WDPCP: variants seen among roughly 807,000 people sequenced by gnomAD.
The protein encoded by WDPCP is WD repeat-containing and planar cell polarity effector protein fritz homolog.
WDPCP carries 71 observed loss-of-function variants against 93.1 expected under a neutral mutation model. The observed-to-expected ratio is 0.76, with a 90% CI of 0.63 to 0.93. The LOEUF (loss-of-function observed/expected upper bound fraction) is 0.93, where lower values mean the gene tolerates loss of function less well. Ranked by LOEUF, WDPCP falls within the 40% of genes least tolerant of loss-of-function variation. The probability of loss-of-function intolerance (pLI) is 0.00; values close to 1 mark genes in which losing one functional copy is unlikely to be tolerated. For synonymous variants in WDPCP, 315 were observed against 315.0 expected (o/e 1.00, Z 0.00); for missense variants, 844 against 887.4 (o/e 0.95, Z 0.62).
chr2:63,284,524 T>G (rs1235630209), intron 13 of WDPCP, among the ~76,000 whole-genome samples: 1 of 152,230 alleles, frequency 6.6e-6, no homozygotes, highest in African/African-American at 2.4e-5. Context: ...TATATCCGAA[T>G]TGTCAGAATT....
intron 9 of WDPCP, among the ~76,000 whole-genome samples, chr2:63,407,847 G>A (rs1342565288): frequency 2.0e-5 from 3 of 152,118 alleles, no homozygotes; most frequent in Admixed American, 2.0e-4. Flanking sequence ...TTAAAGATTT[G>A]CAAAGGAAGC....
At chr2:63,499,122 G>A (rs925639932) in intron 1 of WDPCP, among the ~76,000 whole-genome samples, 1 of 152,174 alleles carries the variant, frequency 6.6e-6, no homozygotes, top group African/African-American at 2.4e-5. Context: ...CAGGGTAGCA[G>A]ATAAAATAAT....
At chr2:63,559,897 T>C (rs1248490536) in intron 1 of WDPCP, among the ~76,000 whole-genome samples, 1 of 152,158 alleles carries the variant, frequency 6.6e-6, no homozygotes, top group Admixed American at 6.5e-5. Context: ...CCCATTAAAC[T>C]GCCATTGACA....
intron 2 of WDPCP, among the ~76,000 whole-genome samples, chr2:63,779,923 C>A (rs1339866753): frequency 2.0e-5 from 3 of 152,094 alleles, no homozygotes; most frequent in Non-Finnish European, 2.9e-5. Flanking sequence ...CAAAAAGATT[C>A]CAAAAACTAG....
chr2:63,353,440 G>T (rs941659400), intron 12 of WDPCP, among the ~76,000 whole-genome samples: 2 of 152,128 alleles, frequency 1.3e-5, no homozygotes, highest in African/African-American at 2.4e-5. Flanking sequence ...TGGAATTCCA[G>T]CCAGCCCCTG....
intron 17 of WDPCP, among the ~76,000 whole-genome samples, chr2:63,124,506 G>C (rs928130250): frequency 6.6e-6 from 1 of 152,206 alleles, no homozygotes; most frequent in African/African-American, 2.4e-5. Context: ...AATGTACACA[G>C]ACTTTTGTAA....
chr2:63,831,429 G>T (rs924908514), upstream of WDPCP, among the ~76,000 whole-genome samples: 7 of 151,960 alleles, frequency 4.6e-5, no homozygotes, highest in African/African-American at 1.5e-4. Flanking sequence ...TGGCATACTT[G>T]CTCCACAGGT....
chr2:63,711,825 T>C (rs1053616895), intron 2 of WDPCP, among the ~76,000 whole-genome samples: 4 of 152,176 alleles, frequency 2.6e-5, no homozygotes, highest in Non-Finnish European at 5.9e-5. Flanking sequence ...ACCCTATGTG[T>C]GGTAAATTGA....
At chr2:63,193,856 A>G (rs905721844) in intron 14 of WDPCP, among the ~76,000 whole-genome samples, 12 of 152,216 alleles carry the variant, frequency 7.9e-5, no homozygotes, top group Admixed American at 7.2e-4. Flanking sequence ...AAAAGTTTAT[A>G]TGTACGTGAA....
the WDPCP span, among the ~76,000 whole-genome samples, chr2:63,834,130 C>T: frequency 6.6e-6 from 1 of 152,172 alleles, no homozygotes; most frequent in African/African-American, 2.4e-5. Flanking sequence ...TCCTATTACT[C>T]CATTTGTGAC....
intron 14 of WDPCP, among the ~76,000 whole-genome samples, chr2:63,231,346 A>T (rs984012797): frequency 2.0e-5 from 3 of 152,250 alleles, no homozygotes; most frequent in African/African-American, 7.2e-5. Context: ...CAGGCAAGAG[A>T]AGGAAATAAA....
chr2:63,673,059 A>T (rs1710363349), intron 2 of WDPCP, among the ~76,000 whole-genome samples: 1 of 152,150 alleles, frequency 6.6e-6, no homozygotes, highest in South Asian at 2.1e-4. Context: ...GGCCCATTTT[A>T]ACCATTTTAA....
At chr2:63,313,876 A>ATTTTTT (rs1559312010) in intron 12 of WDPCP, among the ~76,000 whole-genome samples, 4 of 4,054 alleles carry the variant, frequency 9.9e-4, no homozygotes, top group African/African-American at 7.1e-3. Flanking sequence ...ATATATATAT[A>ATTTTTT]TATATATATA....
chr2:63,840,182 T>C, the WDPCP span, among the ~76,000 whole-genome samples: 1 of 152,148 alleles, frequency 6.6e-6, no homozygotes, highest in Non-Finnish European at 1.5e-5. Flanking sequence ...AAATGCAAAG[T>C]CTGAAATGCA....
chr2:63,489,189 A>G (rs551529500), intron 2 of WDPCP, among the ~76,000 whole-genome samples: 79 of 152,228 alleles, frequency 5.2e-4, no homozygotes, highest in African/African-American at 1.8e-3. Flanking sequence ...GATTGACTGC[A>G]AACAGGGTGA....
intron 3 of WDPCP, among the ~76,000 whole-genome samples, chr2:63,641,124 T>A (rs982122397): frequency 5.9e-5 from 9 of 152,212 alleles, no homozygotes; most frequent in African/African-American, 2.2e-4. Flanking sequence ...TTTGGTTCCA[T>A]CCATGTTGTT....
chr2:63,734,006 G>A (rs13392388), intron 2 of WDPCP, among the ~76,000 whole-genome samples: 233 of 152,214 alleles, frequency 1.5e-3, no homozygotes, highest in African/African-American at 5.1e-3. Context: ...CACACCATAT[G>A]TAACCTTTTG....
At chr2:63,645,287 A>T (rs1710034596) in intron 3 of WDPCP, among the ~76,000 whole-genome samples, 1 of 152,150 alleles carries the variant, frequency 6.6e-6, no homozygotes. Flanking sequence ...CATATTATTT[A>T]ATTTCCATAT....
chr2:63,488,399 G>C (rs902394405), intron 2 of WDPCP, among the ~76,000 whole-genome samples: 4 of 151,962 alleles, frequency 2.6e-5, no homozygotes, highest in Non-Finnish European at 5.9e-5. Context: ...TTCAAATATA[G>C]TCTTTCAAAA....
Sources: gnomAD v4.1 joint callset for allele counts (sites outside exome capture counted in the v4.1 genomes callset) on GRCh38, gnomAD v4.1.1 for gene constraint, MANE v1.5 for transcripts, NCBI Gene and HGNC (gene_info 2026-07-23, HGNC 2026-07-21) for gene names.